Variants in MCU observed in about 807,000 individuals in gnomAD.
MCU encodes the protein mitochondrial calcium uniporter.
Under a neutral mutation model 45.2 loss-of-function variants are expected in MCU, and 12 were observed. The ratio of observed to expected loss-of-function variants is 0.27; its 90% CI spans 0.17 to 0.43. The LOEUF is 0.43. Ranked by LOEUF, MCU falls within the 20% of genes least tolerant of loss-of-function variation. The pLI, the probability that MCU is intolerant of heterozygous loss-of-function variation, is 1.00. For missense variants in MCU, 324 were observed against 436.7 expected (o/e 0.74, Z 2.30); for synonymous variants, 160 against 165.1 (o/e 0.97, Z 0.24).
intron 2 of MCU, among the ~76,000 whole-genome samples, chr10:72,848,091 G>A (rs1845148549): frequency 6.6e-6 from 1 of 152,250 alleles, no homozygotes; most frequent in African/African-American, 2.4e-5. Flanking sequence ...ACTACACAGG[G>A]CATGAATATA....
chr10:72,766,452 AC>A (rs995805843), intron 1 of MCU: 17 of 152,194 alleles, frequency 1.1e-4, no homozygotes, highest in African/African-American at 4.1e-4. Context: ...GAAAAAGACA[AC>A]CTATGTTTAT....
chr10:72,785,759 T>G (rs965247930), intron 1 of MCU, among the ~76,000 whole-genome samples: 1 of 152,234 alleles, frequency 6.6e-6, no homozygotes, highest in Non-Finnish European at 1.5e-5. Context: ...AAAACATTAT[T>G]ATGTACGTAT....
At chr10:72,757,163 C>T (rs1017859941) in intron 1 of MCU, 5 of 152,090 alleles carry the variant, frequency 3.3e-5, no homozygotes, top group Admixed American at 2.0e-4. Context: ...CCATTTCAGG[C>T]ATTTACAACA....
At chr10:72,854,432 A>G (rs539744284) in intron 2 of MCU, among the ~76,000 whole-genome samples, 5 of 152,366 alleles carry the variant, frequency 3.3e-5, no homozygotes, top group Non-Finnish European at 5.9e-5. Context: ...AAACCACACA[A>G]AAATAATGTG....
intron 1 of MCU, among the ~76,000 whole-genome samples, chr10:72,832,934 ATG>A (rs6143982): frequency 1.9e-4 from 28 of 143,766 alleles, no homozygotes; most frequent in Non-Finnish European, 2.6e-4. Context: ...ACCAATAGCT[ATG>A]TGTGTGTGTG....
At chr10:72,764,226 T>G (rs185892517) in intron 1 of MCU, among the ~76,000 whole-genome samples, 88 of 152,324 alleles carry the variant, frequency 5.8e-4, no homozygotes, top group Non-Finnish European at 9.3e-4. Flanking sequence ...ACTTTCTTCT[T>G]CATTTTGCTG....
intron 1 of MCU, among the ~76,000 whole-genome samples, chr10:72,696,595 G>A (rs1189711578): frequency 2.0e-5 from 3 of 152,020 alleles, no homozygotes; most frequent in Non-Finnish European, 2.9e-5. Flanking sequence ...AATTGACACC[G>A]ACATGATTTC....
At chr10:72,796,514 A>G (rs1337004521) in intron 1 of MCU, among the ~76,000 whole-genome samples, 1 of 152,050 alleles carries the variant, frequency 6.6e-6, no homozygotes, top group Non-Finnish European at 1.5e-5. Flanking sequence ...TTAACAGGAA[A>G]ATTTATTTTG....
intron 1 of MCU, chr10:72,731,126 A>G (rs1261369963): frequency 1.3e-5 from 2 of 152,100 alleles, no homozygotes; most frequent in Non-Finnish European, 2.9e-5. Flanking sequence ...CTTAGTAGGG[A>G]TGTGGTCTCA....
At chr10:72,784,859 A>G (rs1467271015) in intron 1 of MCU, among the ~76,000 whole-genome samples, 1 of 152,132 alleles carries the variant, frequency 6.6e-6, no homozygotes, top group Non-Finnish European at 1.5e-5. Context: ...CTAAATGCTG[A>G]TGTGTTCTCA....
chr10:72,832,934 A>ATG (rs6143982), intron 1 of MCU, among the ~76,000 whole-genome samples: 2,873 of 143,860 alleles, frequency 0.02, 74 homozygotes, highest in African/African-American at 0.055. Flanking sequence ...ACCAATAGCT[A>ATG]TGTGTGTGTG....
chr10:72,747,854 G>A (rs569731812), intron 1 of MCU, among the ~76,000 whole-genome samples: 30 of 151,852 alleles, frequency 2.0e-4, no homozygotes, highest in African/African-American at 7.2e-4. Context: ...CCAAACCATG[G>A]AAGTGTAATA....
intron 6 of MCU, among the ~76,000 whole-genome samples, chr10:72,878,268 T>C (rs1252240708): frequency 6.6e-6 from 1 of 151,638 alleles, no homozygotes; most frequent in Admixed American, 6.6e-5. Flanking sequence ...CAAGCACATA[T>C]CACCATGCCC....
intron 1 of MCU, among the ~76,000 whole-genome samples, chr10:72,822,251 A>G (rs1249467973): frequency 6.6e-6 from 1 of 152,216 alleles, no homozygotes; most frequent in African/African-American, 2.4e-5. Flanking sequence ...CAGCATGGGC[A>G]ACAGAACGAG....
intron 1 of MCU, among the ~76,000 whole-genome samples, chr10:72,779,657 A>G (rs1843958631): frequency 6.6e-6 from 1 of 152,222 alleles, no homozygotes; most frequent in African/African-American, 2.4e-5. Context: ...AGATGTATAA[A>G]TGGCCAGTTA....
At position 72,698,501 on chromosome 10, in the gene MCU, A is replaced by G. The variant is rs1488313074; in HGVS notation, c.150+6200A>G. On this transcript the variant is annotated intron_variant, in intron 1 of 7. Coordinates refer to ENST00000373053, the MANE Select transcript of MCU (RefSeq NM_138357.3). ...AATATCTCAGGATAGCTGTTAGAAT[A>G]GAGGATTCAAAGGCTGATAGCCTCA... 3.3e-5 allele frequency among the ~76,000 whole-genome samples: 5 copies of G among 152,196 alleles called. No homozygotes were observed. In the East Asian group the frequency reaches 7.7e-4, roughly 23 times the overall value.
At chr10:72,860,763 A>T (rs980060734) in intron 4 of MCU, among the ~76,000 whole-genome samples, 1 of 152,144 alleles carries the variant, frequency 6.6e-6, no homozygotes. Context: ...TCATTATCTG[A>T]TATTGTCACT....
At chr10:72,819,941 T>C (rs1350160839) in intron 1 of MCU, among the ~76,000 whole-genome samples, 1 of 152,086 alleles carries the variant, frequency 6.6e-6, no homozygotes, top group Admixed American at 6.6e-5. Context: ...GAAAATTGTA[T>C]TTTTTTCTGC....
chr10:72,808,951 G>T (rs1181713337), intron 1 of MCU, among the ~76,000 whole-genome samples: 1 of 152,170 alleles, frequency 6.6e-6, no homozygotes, highest in Non-Finnish European at 1.5e-5. Context: ...TGAGATTTGG[G>T]TGGGGACACA....
Sources: gnomAD v4.1 joint callset for allele counts (sites outside exome capture counted in the v4.1 genomes callset) on GRCh38, gnomAD v4.1.1 for gene constraint, MANE v1.5 for transcripts, NCBI Gene and HGNC (gene_info 2026-07-23, HGNC 2026-07-21) for gene names.